Variants in PRMT8 observed in about 807,000 individuals in gnomAD.
PRMT8 encodes protein arginine methyltransferase 8.
Under a neutral mutation model 47.1 loss-of-function variants are expected in PRMT8, and 7 were observed. The ratio of observed to expected loss-of-function variants is 0.15; its 90% CI spans 0.08 to 0.28. The LOEUF is 0.28. PRMT8 is among the 10% of genes least tolerant of loss of function. The probability of loss-of-function intolerance (pLI) is 1.00; values close to 1 mark genes in which losing one functional copy is unlikely to be tolerated. For synonymous variants in PRMT8, 188 were observed against 186.5 expected (o/e 1.01, Z -0.07); for missense variants, 237 against 505.4 (o/e 0.47, Z 5.09).
chr12:3,453,035 G>C lies in PRMT8; in HGVS notation c.48+71593G>C, dbSNP rs1864937890. ...AGAGCTTACAGCCTAAGAGGGGAGGGAAGCTAAACCCTGGACTGGGATCAC... is the reference window on the plus strand; with the variant it reads ...AGAGCTTACAGCCTAAGAGGGGAGGCAAGCTAAACCCTGGACTGGGATCAC... On this transcript the variant is annotated intron_variant, in intron 1 of 9. Coordinates refer to the PRMT8 transcript ENST00000452611. This position sits in a 1 kb window ranked among gnomAD's most constrained non-coding sequence, Gnocchi z 4.9. Among the ~76,000 whole-genome samples, 1 of 152,132 alleles carries C rather than the reference G, an allele frequency of 6.6e-6. No homozygotes were observed. The highest frequency in any genetic ancestry group is 1.5e-5 in the Non-Finnish European group (1 of 68,032).
At chr12:3,426,650 C>T (rs1864607687) in intron 1 of PRMT8, among the ~76,000 whole-genome samples, 1 of 152,150 alleles carries the variant, frequency 6.6e-6, no homozygotes, top group African/African-American at 2.4e-5. Context: ...GCGAAATTGA[C>T]TTGGTTATGT....
chr12:3,397,215 A>G (rs919421498), intron 1 of PRMT8, among the ~76,000 whole-genome samples: 4 of 151,916 alleles, frequency 2.6e-5, no homozygotes, highest in Non-Finnish European at 5.9e-5. Flanking sequence ...TCAGCTCGTC[A>G]AAGTCATTCT....
chr12:3,545,375 G>A (rs760014957), intron 2 of PRMT8, among the ~76,000 whole-genome samples: 1 of 152,204 alleles, frequency 6.6e-6, no homozygotes, highest in Non-Finnish European at 1.5e-5. Context: ...CATCTGTCTT[G>A]TTGTCTTTGG....
At chr12:3,472,223 C>T (rs1359035694) in intron 1 of PRMT8, among the ~76,000 whole-genome samples, 1 of 152,170 alleles carries the variant, frequency 6.6e-6, no homozygotes, top group Non-Finnish European at 1.5e-5. Context: ...CCACAGATTG[C>T]CCTGTGAAAT....
intron 8 of PRMT8, among the ~76,000 whole-genome samples, chr12:3,591,032 C>G (rs556654105): frequency 1.3e-5 from 2 of 152,134 alleles, no homozygotes; most frequent in African/African-American, 4.8e-5. Flanking sequence ...TTTTGCGGGT[C>G]AGGCAAGGCT....
upstream of PRMT8, among the ~76,000 whole-genome samples, chr12:3,489,111 T>G (rs1865348471): frequency 6.6e-6 from 1 of 152,128 alleles, no homozygotes; most frequent in South Asian, 2.1e-4. Flanking sequence ...CAGAAAACTC[T>G]TGCCATGAAA....
At chr12:3,401,147 C>CA (rs34492092) in intron 1 of PRMT8, among the ~76,000 whole-genome samples, 18,698 of 45,954 alleles carry the variant, frequency 0.41, 3,883 homozygotes, top group Non-Finnish European at 0.5. Flanking sequence ...AACTCCATCT[C>CA]AAAAAAAAAA....
chr12:3,451,321 C>T (rs1864917096), intron 1 of PRMT8, among the ~76,000 whole-genome samples: 1 of 152,004 alleles, frequency 6.6e-6, no homozygotes. Flanking sequence ...AGTGACACAC[C>T]CAAAGTCTTG....
chr12:3,592,712 A>G (rs984000524), intron 9 of PRMT8, among the ~76,000 whole-genome samples: 1 of 152,162 alleles, frequency 6.6e-6, no homozygotes, highest in African/African-American at 2.4e-5. Flanking sequence ...GCATTTCTTC[A>G]GCTGGCCTGG....
rs777220726 is a variant in PRMT8, at chr12:3,564,095, C to T, written c.482-4611C>T. On this transcript the variant is annotated intron_variant, in intron 4 of 9. Transcript: ENST00000382622. This position sits in a 1 kb window ranked among gnomAD's most constrained non-coding sequence, Gnocchi z 4.0. ...TACGCTGGAGGTGAGCCGGGCCCTC[C>T]GCAGGTGCAAGGCAGCCAGCATGGG... is the stretch of plus-strand genomic sequence containing the variant. Among the ~76,000 whole-genome samples the T allele has an allele frequency of 1.3e-5, 2 of 152,082 alleles. No individual in the cohort carries two copies. The highest frequency in any genetic ancestry group is 2.1e-4 in the South Asian group (1 of 4,826).
chr12:3,509,678 C>T (rs1425313472), intron 1 of PRMT8, among the ~76,000 whole-genome samples: 1 of 152,182 alleles, frequency 6.6e-6, no homozygotes, highest in Non-Finnish European at 1.5e-5. Context: ...ATTTGTTGGT[C>T]CCGTTCTTAA....
chr12:3,592,247 C>T lies in PRMT8; in HGVS notation c.996C>T (p.Tyr332=), dbSNP rs756724926. 1.3e-6 allele frequency: 2 copies of T among 1,589,390 alleles called. No homozygotes were observed. Among genetic ancestry groups the T allele is most frequent in the South Asian group, 1.2e-5 (1 of 86,206 alleles). The change falls in exon 9 of 10, where the codon TAC becomes TAT. Residue 332 remains tyrosine (Y), a synonymous_variant. Transcript: ENST00000382622. ...ACCCCTCAGCCCCTGATGCTCCCTA[C>T]ACCCACTGGAAGCAGACCGTCTTCT... ...MGFSTAPDAP[Y]THWKQTVFYL... is the part of the protein sequence containing the mutation.
chr12:3,518,072 G>A (rs1413596692), intron 1 of PRMT8, among the ~76,000 whole-genome samples: 1 of 150,136 alleles, frequency 6.7e-6, no homozygotes, highest in Admixed American at 6.6e-5. Context: ...AACAGCCCTT[G>A]CCCAGTGAAA....
intron 1 of PRMT8, among the ~76,000 whole-genome samples, chr12:3,470,156 T>C (rs781601342): frequency 3.9e-5 from 6 of 152,282 alleles, no homozygotes; most frequent in Middle Eastern, 3.4e-3. Context: ...TAAAGAAATA[T>C]TGAAACCCCT....
At chr12:3,461,206 ACC>A (rs1438420708) in intron 1 of PRMT8, among the ~76,000 whole-genome samples, 1 of 152,198 alleles carries the variant, frequency 6.6e-6, no homozygotes, top group Non-Finnish European at 1.5e-5. Context: ...GAGATGCACA[ACC>A]TAATTCTAGC....
intron 1 of PRMT8, among the ~76,000 whole-genome samples, chr12:3,430,924 G>T (rs972454935): frequency 6.6e-6 from 1 of 152,178 alleles, no homozygotes; most frequent in African/African-American, 2.4e-5. Context: ...GAGCCTGGGG[G>T]ACCTCTTGGA....
At chr12:3,551,193 G>C (rs1345285493) in intron 3 of PRMT8, 1 of 151,708 alleles carries the variant, frequency 6.6e-6, no homozygotes, top group Non-Finnish European at 1.5e-5. Flanking sequence ...CCTCCTCCAA[G>C]CCTGACTTGG....
At chr12:3,442,885 C>A (rs796443166) in intron 1 of PRMT8, among the ~76,000 whole-genome samples, 49 of 152,244 alleles carry the variant, frequency 3.2e-4, no homozygotes, top group African/African-American at 1.1e-3. Context: ...TCTCGAACTC[C>A]TGACCTGGTG....
chr12:3,442,233 G>C (rs866739704), intron 1 of PRMT8, among the ~76,000 whole-genome samples: 6 of 152,074 alleles, frequency 3.9e-5, no homozygotes, highest in African/African-American at 1.4e-4. Flanking sequence ...TTGCAACTCA[G>C]AAAATCCAAA....
Sources: allele counts gnomAD v4.1 joint callset (sites outside exome capture counted in the v4.1 genomes callset), GRCh38; gene constraint gnomAD v4.1.1; non-coding constraint Gnocchi (gnomAD v3.1); transcripts MANE v1.5; gene names NCBI Gene and HGNC (gene_info 2026-07-23, HGNC 2026-07-21).